The following ATR variants were observed in gnomAD, a reference collection of about 807,000 sequenced individuals.
The protein encoded by ATR is serine/threonine-protein kinase ATR.
A neutral mutation model predicts 305.3 loss-of-function variants in ATR; 142 were observed. The ratio of observed to expected loss-of-function variants is 0.47; its 90% CI spans 0.41 to 0.53. The LOEUF (loss-of-function observed/expected upper bound fraction) is 0.53. ATR is among the 20% of genes least tolerant of loss of function. ATR has a pLI of 0.00. For synonymous variants in ATR, 1,050 were observed against 1,068.1 expected, an observed-to-expected ratio of 0.98 and a Z score of 0.33; for missense variants, 2,135 against 3,133.1, an observed-to-expected ratio of 0.68 and a Z score of 7.60.
intron 1 of ATR, among the ~76,000 whole-genome samples, chr3:142,570,673 C>T (rs770733102): frequency 2.0e-5 from 3 of 152,206 alleles, no homozygotes; most frequent in Non-Finnish European, 4.4e-5. Context: ...TAGGTGTGAG[C>T]CACCATGCCC....
chr3:142,506,718 G>A (rs2032257801), intron 28 of ATR, among the ~76,000 whole-genome samples: 1 of 152,018 alleles, frequency 6.6e-6, no homozygotes, highest in South Asian at 2.1e-4. Flanking sequence ...TAACAGAAGG[G>A]AAGAAAAAGA....
intron 6 of ATR, among the ~76,000 whole-genome samples, chr3:142,559,791 G>A (rs906073117): frequency 1.3e-5 from 2 of 152,118 alleles, no homozygotes; most frequent in African/African-American, 4.8e-5. Context: ...TATAGTTCCA[G>A]CTACATGGGA....
intron 35 of ATR, among the ~76,000 whole-genome samples, chr3:142,489,698 C>T (rs1332201495): frequency 6.6e-6 from 1 of 152,142 alleles, no homozygotes; most frequent in Non-Finnish European, 1.5e-5. Context: ...AGTTTGTTTA[C>T]CCATTCTTCT....
intron 35 of ATR, among the ~76,000 whole-genome samples, chr3:142,489,686 C>A (rs963788247): frequency 6.6e-6 from 1 of 152,104 alleles, no homozygotes; most frequent in Non-Finnish European, 1.5e-5. Context: ...TACAACTGTA[C>A]CAGTTTGTTT....
At chr3:142,473,054 T>C (rs1487196973) in intron 36 of ATR, among the ~76,000 whole-genome samples, 7 of 152,352 alleles carry the variant, frequency 4.6e-5, no homozygotes, top group East Asian at 1.9e-4. Context: ...AGGTTGTCTT[T>C]TCACTCTGTT....
In ATR at chr3:142,449,615, A is replaced by C. The variant is rs1484449500; in HGVS notation, c.7762-13T>G. On this transcript the variant is annotated splice_polypyrimidine_tract_variant and intron_variant, in intron 46 of 46. Transcript: ENST00000350721. ...CATGGGTCTTGGCCTAAAAAGAAGAAACATAAAACCAAAAACAGATGTTAA... is the reference window on the plus strand; with the variant it reads ...CATGGGTCTTGGCCTAAAAAGAAGACACATAAAACCAAAAACAGATGTTAA... 1.2e-6 allele frequency: 2 copies of C among 1,613,376 alleles called. No individual in the cohort carries two copies. The highest frequency in any genetic ancestry group is 1.3e-5 in the African/African-American group (1 of 75,022).
At chr3:142,567,437 A>T (rs2035111400) in intron 2 of ATR, among the ~76,000 whole-genome samples, 1 of 152,230 alleles carries the variant, frequency 6.6e-6, no homozygotes, top group Non-Finnish European at 1.5e-5. Flanking sequence ...TGATTGAAAA[A>T]GAAAGGATTA....
Position 142,452,919 on chromosome 3 carries a change from T to C in ATR, c.7761+209A>G, listed in dbSNP as rs1250149833. ...AAACAAGTGTGCCATGAACTTTTAT[T>C]ATACAAATGCGAATACTGTTAACAT... On this transcript the variant is annotated intron_variant, in intron 46 of 46. Transcript: ENST00000350721. The C allele has an allele frequency of 5.0e-6, 7 of 1,403,140 alleles. No individual in the cohort carries two copies. The South Asian group carries it at 9.0e-5, about 18-fold the overall frequency. 86.9% of individuals were successfully genotyped at this position (1,403,140 alleles called of 1,614,324 possible).
intron 32 of ATR, 69 bp downstream of exon 32, chr3:142,498,528 A>G: frequency 1.3e-6 from 2 of 1,502,542 alleles, no homozygotes; most frequent in Non-Finnish European, 9.1e-7. Flanking sequence ...TATTTACTCA[A>G]AAAAATTTTC....
chr3:142,566,749 CTT>C (rs111327829), intron 2 of ATR, among the ~76,000 whole-genome samples: 3 of 145,766 alleles, frequency 2.1e-5, no homozygotes, highest in Admixed American at 1.4e-4. Context: ...ACACTACAGT[CTT>C]TTTTTTTTTT....
In ATR at chr3:142,459,303, G is replaced by A. The variant is rs1310011888; in HGVS notation, c.7273C>T (p.Arg2425Ter). Residue 2425 changes from arginine to a stop codon, truncating the protein, a stop_gained, in exon 43 of 47, where the codon CGA (arginine) becomes TGA (stop). Transcript: ENST00000350721. LOFTEE classifies it high-confidence loss of function. ...GGATGCCTGGGCAGGAGAAATTCTC[G>A]GAATACTTTGAGTTTTTCAGATAAA... is the stretch of plus-strand genomic sequence containing the variant. ...AALSEKLKVFREFLLPRHPPI... is the reference protein window; with the variant it reads ...AALSEKLKVF The A allele has an allele frequency of 7.4e-6, 12 of 1,613,908 alleles. No individual in the cohort carries two copies. Among genetic ancestry groups the A allele is most frequent in the African/African-American group, 1.3e-5 (1 of 75,018 alleles).
intron 25 of ATR, among the ~76,000 whole-genome samples, chr3:142,514,428 G>A (rs374694764): frequency 6.6e-5 from 10 of 151,994 alleles, no homozygotes; most frequent in African/African-American, 1.9e-4. Context: ...TCAGGAGATC[G>A]AGACCATCCT....
chr3:142,572,330 A>G (rs1293765507), intron 1 of ATR, among the ~76,000 whole-genome samples: 2 of 146,614 alleles, frequency 1.4e-5, no homozygotes, highest in Non-Finnish European at 3.0e-5. Flanking sequence ...CGGTCTCCCA[A>G]AGTGCTGGGA....
chr3:142,550,560 C>A (rs2034437713), intron 13 of ATR, among the ~76,000 whole-genome samples: 1 of 152,132 alleles, frequency 6.6e-6, no homozygotes, highest in South Asian at 2.1e-4. Flanking sequence ...TTTAGCATAA[C>A]CTAACTTTTC....
intron 34 of ATR, among the ~76,000 whole-genome samples, chr3:142,495,729 G>A (rs1223395943): frequency 1.3e-5 from 2 of 152,000 alleles, no homozygotes; most frequent in Non-Finnish European, 2.9e-5. Flanking sequence ...GGGCAACAGA[G>A]TGAGACTCCG....
At chr3:142,543,783 G>C (rs1351720671) in intron 16 of ATR, among the ~76,000 whole-genome samples, 1 of 151,706 alleles carries the variant, frequency 6.6e-6, no homozygotes, top group Non-Finnish European at 1.5e-5. Flanking sequence ...AATCCTCCCA[G>C]CTCAGCCTCC....
intron 3 of ATR, among the ~76,000 whole-genome samples, chr3:142,563,724 AG>A (rs1214216409): frequency 6.6e-6 from 1 of 152,196 alleles, no homozygotes; most frequent in Non-Finnish European, 1.5e-5. Context: ...ATCAAAAGCT[AG>A]AAATGATTAA....
At chr3:142,503,020 C>T (rs1405319279) in intron 30 of ATR, among the ~76,000 whole-genome samples, 1 of 152,150 alleles carries the variant, frequency 6.6e-6, no homozygotes, top group Non-Finnish European at 1.5e-5. Context: ...CAGTCACAAC[C>T]TCTAGCACGG....
intron 24 of ATR, among the ~76,000 whole-genome samples, chr3:142,518,181 A>T (rs2032989082): frequency 6.6e-6 from 1 of 152,184 alleles, no homozygotes; most frequent in African/African-American, 2.4e-5. Context: ...AGTCCTCAAA[A>T]ATGAAAATCC....
Sources: allele counts gnomAD v4.1 joint callset (sites outside exome capture counted in the v4.1 genomes callset), GRCh38; gene constraint gnomAD v4.1.1; transcripts MANE v1.5; gene names NCBI Gene and HGNC (gene_info 2026-07-23, HGNC 2026-07-21).